Variants in IMPDH1 observed in about 807,000 individuals in gnomAD.
IMPDH1 encodes inosine monophosphate dehydrogenase 1, also known as inosine-5'-monophosphate dehydrogenase 1.
A neutral mutation model predicts 73.5 loss-of-function variants in IMPDH1; 41 were observed. That is an observed-to-expected ratio of 0.56 (90% CI 0.43 to 0.72). The LOEUF is 0.72. Ranked by LOEUF, IMPDH1 falls within the 30% of genes least tolerant of loss-of-function variation. The probability of loss-of-function intolerance (pLI) is 0.00; values close to 1 mark genes in which losing one functional copy is unlikely to be tolerated. For missense variants in IMPDH1, 645 were observed against 824.8 expected (o/e 0.78, Z 2.67); for synonymous variants, 318 against 334.3 (o/e 0.95, Z 0.53).
Position 128,409,936 on chromosome 7 carries a change from G to C in IMPDH1, c.-35C>G. 2 of 1,330,390 alleles carry C rather than the reference G, an allele frequency of 1.5e-6. No individual in the cohort carries two copies. The highest frequency in any genetic ancestry group is 9.6e-7 in the Non-Finnish European group (1 of 1,046,004). 82.4% of individuals were successfully genotyped at this position (1,330,390 alleles called of 1,614,324 possible). On this transcript the variant is annotated 5_prime_UTR_variant, in exon 1 of 17. Coordinates refer to ENST00000338791, the MANE Select transcript of IMPDH1 (RefSeq NM_000883.4). ...GCAGCTCAGGGCGGGCGGGAGCCTG[G>C]AGGCTCCCGGGGCCCCGGCTGGGCA...
Position 128,395,220 on chromosome 7 carries a change from G to A in IMPDH1, c.1316C>T (p.Ala439Val). ...GTAVYKVAEY[A>V]RRFGVPIIAD... ...TATGATGGGCACACCAAAGCGCCGGGCATACTCAGCCACCTTGTACACAGC... is the reference window on the plus strand; with the variant it reads ...TATGATGGGCACACCAAAGCGCCGGACATACTCAGCCACCTTGTACACAGC... The change falls in exon 13 of 17, where the codon GCC becomes GTC. Residue 439 changes from alanine to valine, a missense_variant. Ala to Val is a moderately conservative substitution (Grantham distance 64, BLOSUM62 0). Around this residue, in one of 2 missense-constraint regions of IMPDH1, gnomAD observed 459 missense variants for 638.2 expected, o/e 0.72. Coordinates refer to ENST00000338791, the MANE Select transcript of IMPDH1 (RefSeq NM_000883.4). The A allele has an allele frequency of 6.2e-7, 1 of 1,613,884 alleles. No homozygotes were observed. Among genetic ancestry groups the A allele is most frequent in the Non-Finnish European group, 8.5e-7 (1 of 1,180,046 alleles).
chr7:128,405,988 CCGGGGG>C lies in IMPDH1; in HGVS notation c.255-129_255-124del, dbSNP rs907691474. 154 of 811,340 alleles carry C rather than the reference CCGGGGG, an allele frequency of 1.9e-4. No individual in the cohort carries two copies. The African/African-American group carries it at 2.6e-3, about 14-fold the overall frequency. The allele number at this position is 811,340 out of a possible 1,614,324, so 50.3% of individuals were successfully genotyped here. On this transcript the variant is annotated intron_variant, in intron 3 of 16. Coordinates refer to ENST00000338791, the MANE Select transcript of IMPDH1 (RefSeq NM_000883.4). ...ACGCTGCTGCCGCGGGCCGGGCGGG[CCGGGGG>C]CGGGGGCGGGGGCTGCGGCAGCGGC...
Position 128,394,383 on chromosome 7 carries a change from C to A in IMPDH1, c.1695-22G>T, listed in dbSNP as rs1473786622. Reference sequence around the variant, plus strand: ...GGACCTAGGAGGAAGGTAGGTGGAGCAGATCAGGGCCACCAAGGGTGGAGA... The same window carrying A: ...GGACCTAGGAGGAAGGTAGGTGGAGAAGATCAGGGCCACCAAGGGTGGAGA... On this transcript the variant is annotated intron_variant, in intron 15 of 16. Coordinates refer to ENST00000338791, the MANE Select transcript of IMPDH1 (RefSeq NM_000883.4). The surrounding 1 kb of genome is among the most constrained non-coding windows in gnomAD (Gnocchi z 5.5). 3.1e-6 allele frequency: 5 copies of A among 1,613,472 alleles called. No homozygotes were observed. Among genetic ancestry groups the A allele is most frequent in the Non-Finnish European group, 4.2e-6 (5 of 1,179,486 alleles).
intron 3 of IMPDH1, among the ~76,000 whole-genome samples, chr7:128,407,219 G>A (rs1283460172): frequency 6.6e-6 from 1 of 152,208 alleles, no homozygotes; most frequent in Non-Finnish European, 1.5e-5. Flanking sequence ...GCCCTGGGAG[G>A]CTGGGTTTAT....
chr7:128,396,752 C>A lies in IMPDH1; in HGVS notation c.1166-57G>T, dbSNP rs754205463. 317 of 1,441,360 alleles carry A rather than the reference C, an allele frequency of 2.2e-4. No individual in the cohort carries two copies. Among genetic ancestry groups the A allele is most frequent in the Non-Finnish European group, 2.8e-4 (298 of 1,047,710 alleles). 89.3% of individuals were successfully genotyped at this position (1,441,360 alleles called of 1,614,324 possible). ...TGAGGATGGGATGCCCCTGCCTGCC[C>A]AACAGCCTCTTGGGACCCCAGTCTA... On this transcript the variant is annotated intron_variant, in intron 11 of 16. Transcript: ENST00000338791. This position sits in a 1 kb window ranked among gnomAD's most constrained non-coding sequence, Gnocchi z 4.0.
At chr7:128,397,572 AC>A (rs1432838700) in intron 10 of IMPDH1, among the ~76,000 whole-genome samples, 2 of 152,144 alleles carry the variant, frequency 1.3e-5, no homozygotes, top group Non-Finnish European at 2.9e-5. Context: ...GGTGCCAGTG[AC>A]CTTCCTAATT....
chr7:128,408,023 C>T (rs200977172), intron 3 of IMPDH1, among the ~76,000 whole-genome samples: 1 of 151,514 alleles, frequency 6.6e-6, no homozygotes, highest in Admixed American at 6.6e-5. Flanking sequence ...CTCCGCTAAT[C>T]CACCCTCAAC....
intron 3 of IMPDH1, among the ~76,000 whole-genome samples, chr7:128,406,898 A>T (rs773161519): frequency 6.6e-6 from 1 of 152,066 alleles, no homozygotes; most frequent in East Asian, 1.9e-4. Context: ...GGGGCTAGGG[A>T]ACTTCTGAAA....
intron 5 of IMPDH1, among the ~76,000 whole-genome samples, chr7:128,402,782 A>C (rs1455469036): frequency 6.6e-6 from 1 of 152,152 alleles, no homozygotes; most frequent in East Asian, 1.9e-4. Context: ...TTACACCATC[A>C]TCACTACCCA....
chr7:128,405,715 G>T, intron 4 of IMPDH1, 52 bp downstream of exon 4: 1 of 1,511,398 alleles, frequency 6.6e-7, no homozygotes, highest in South Asian at 1.2e-5. Context: ...GCCGGCCCGG[G>T]GGTCGCGGCG....
In IMPDH1 at chr7:128,405,838, G is replaced by A. The variant is rs370781735; in HGVS notation, c.282C>T (p.Gly94=). ...ASMADYLISG[G]TGYVPEDGLT... The stretch of plus-strand genomic sequence containing the variant: ...GCCCATCCTCGGGCACGTAGCCGGT[G>A]CCGCCGCTGATCAGGTAGTCCGCCA... The change falls in exon 4 of 17, where the codon GGC becomes GGT. Residue 94 remains glycine, a synonymous_variant. Coordinates refer to ENST00000338791, the MANE Select transcript of IMPDH1 (RefSeq NM_000883.4). 3.2e-6 allele frequency: 5 copies of A among 1,538,594 alleles called. No homozygotes were observed. Among genetic ancestry groups the A allele is most frequent in the East Asian group, 2.5e-5 (1 of 39,752 alleles).
At position 128,409,550 on chromosome 7, in the gene IMPDH1, C is replaced by T. The variant is rs1798999951; in HGVS notation, c.147-66G>A. 1.4e-5 allele frequency: 22 copies of T among 1,585,186 alleles called. No individual in the cohort carries two copies. In the South Asian group the frequency reaches 2.4e-4, roughly 18 times the overall value. ...CTCCGCTCCCCCGTGCAACGAAGCACCTAACCCTTCGCACAGTGCCCGTCT... is the reference window on the plus strand; with the variant it reads ...CTCCGCTCCCCCGTGCAACGAAGCATCTAACCCTTCGCACAGTGCCCGTCT... On this transcript the variant is annotated intron_variant, in intron 1 of 16. Coordinates refer to ENST00000338791, the MANE Select transcript of IMPDH1 (RefSeq NM_000883.4).
Position 128,400,558 on chromosome 7 carries a change from G to A in IMPDH1, c.580-19C>T, listed in dbSNP as rs1047607658. 1.0e-5 allele frequency: 16 copies of A among 1,606,076 alleles called. No homozygotes were observed. Among genetic ancestry groups the A allele is most frequent in the African/African-American group, 2.7e-5 (2 of 74,826 alleles). On this transcript the variant is annotated intron_variant, in intron 7 of 16. Coordinates refer to ENST00000338791, the MANE Select transcript of IMPDH1 (RefSeq NM_000883.4). ...CAAACTTCTGCGGGCAGAGATGGGG[G>A]AGGAAAAGGCTGGAAGAAAGCCAGG...
rs535645952 is a variant in IMPDH1 at position 128,408,197 on chromosome 7, C to G, written c.254+1092G>C. Among the ~76,000 whole-genome samples, 130 of 152,286 alleles carry G rather than the reference C, an allele frequency of 8.5e-4. 1 individual carries two copies. The highest frequency in any genetic ancestry group is 3.0e-3 in the African/African-American group (124 of 41,552). ...TAGGAAGGCAGGTCCAAGCCCCTTC[C>G]TCAGGGTAGCAGGGCAACAGTGCCC... On this transcript the variant is annotated intron_variant, in intron 3 of 16. Coordinates refer to ENST00000338791, the MANE Select transcript of IMPDH1 (RefSeq NM_000883.4).
chr7:128,401,075 C>T lies in IMPDH1; in HGVS notation c.444G>A (p.Thr148=), dbSNP rs763640264. Reference sequence around the variant, plus strand: ...TGTCCATGGGGGAGGAGATCAGTGGCGTCTTCAGCGTGATCTTCCGGGTCA... The same window carrying T: ...TGTCCATGGGGGAGGAGATCAGTGGTGTCTTCAGCGTGATCTTCCGGGTCA... ...SALTRKITLK[T]PLISSPMDTV... is the part of the protein sequence containing the mutation. Residue 148 remains threonine (T), a synonymous_variant, in exon 6 of 17, where the codon ACG becomes ACA. Transcript: ENST00000338791. The T allele has an allele frequency of 2.5e-6, 4 of 1,614,020 alleles. No homozygotes were observed. Among genetic ancestry groups the T allele is most frequent in the African/African-American group, 2.7e-5 (2 of 75,028 alleles).
Position 128,400,079 on chromosome 7 carries a change from A to G in IMPDH1, c.874+16T>C. 1 of 1,595,194 alleles carries G rather than the reference A, an allele frequency of 6.3e-7. No homozygotes were observed. The highest frequency in any genetic ancestry group is 8.6e-7 in the Non-Finnish European group (1 of 1,166,618). ...AGTCAGGCTGGGGGTTGAGTTTTCAACTAGCTCCCTGGTACCTTTCTTGCT... is the reference window on the plus strand; with the variant it reads ...AGTCAGGCTGGGGGTTGAGTTTTCAGCTAGCTCCCTGGTACCTTTCTTGCT... On this transcript the variant is annotated intron_variant, in intron 9 of 16. Coordinates refer to ENST00000338791, the MANE Select transcript of IMPDH1 (RefSeq NM_000883.4).
chr7:128,395,958 G>C (rs1369385414), intron 12 of IMPDH1, among the ~76,000 whole-genome samples: 2 of 152,324 alleles, frequency 1.3e-5, no homozygotes, highest in East Asian at 3.9e-4. Context: ...GAGCTGTTTG[G>C]GGTAGGAAAG....
intron 1 of IMPDH1, 23 bp from the exon 2 acceptor site, chr7:128,409,507 TA>T: frequency 6.2e-7 from 1 of 1,613,936 alleles, no homozygotes; most frequent in Non-Finnish European, 8.5e-7. Context: ...GGAAGGTTTT[TA>T]CGACCTGTTC....
rs1239773524 is a variant in IMPDH1, at chr7:128,398,690, G to A, written c.875-77C>T. On this transcript the variant is annotated intron_variant, in intron 9 of 16. Transcript: ENST00000338791. The surrounding 1 kb of genome is among the most constrained non-coding windows in gnomAD (Gnocchi z 4.3). ...GGGAGATGTTTAGGAGGGTGAAGAT[G>A]AAAGTGGACCACTCCAGAGATTCCA... is the stretch of plus-strand genomic sequence containing the variant. 2 of 1,192,270 alleles carry A rather than the reference G, an allele frequency of 1.7e-6. No homozygotes were observed. The highest frequency in any genetic ancestry group is 1.5e-5 in the African/African-American group (1 of 66,862). The allele number at this position is 1,192,270 out of a possible 1,614,324, so 73.9% of individuals were successfully genotyped here.
Sources: gnomAD v4.1 joint callset for allele counts (sites outside exome capture counted in the v4.1 genomes callset) on GRCh38, gnomAD v4.1.1 for gene constraint, gnomAD v4.1.1 regional missense constraint, Gnocchi (gnomAD v3.1) non-coding constraint, MANE v1.5 for transcripts, NCBI Gene and HGNC (gene_info 2026-07-23, HGNC 2026-07-21) for gene names.